Variants in GPM6A observed in about 807,000 individuals in gnomAD.
GPM6A encodes glycoprotein M6A, also known as neuronal membrane glycoprotein M6-a.
GPM6A carries 7 observed loss-of-function variants against 32.1 expected under a neutral mutation model. The ratio of observed to expected loss-of-function variants is 0.22; its 90% confidence interval spans 0.12 to 0.41. The LOEUF is 0.41. Ranked by LOEUF, GPM6A falls within the 10% of genes least tolerant of loss-of-function variation. GPM6A has a pLI of 1.00. For missense variants in GPM6A, 235 were observed against 347.2 expected (o/e 0.68, Z 2.57); for synonymous variants, 130 against 123.4 (o/e 1.05, Z -0.35).
chr4:175,669,201 A>G (rs1372178430), intron 3 of GPM6A, among the ~76,000 whole-genome samples: 1 of 152,212 alleles, frequency 6.6e-6, no homozygotes, highest in East Asian at 1.9e-4. Context: ...ATTTTAAGCT[A>G]TGGAACGGAG....
At chr4:175,671,890 C>T (rs1015792090) in intron 3 of GPM6A, among the ~76,000 whole-genome samples, 1 of 146,666 alleles carries the variant, frequency 6.8e-6, no homozygotes, top group Non-Finnish European at 1.5e-5. Context: ...GGGCTGACAC[C>T]CTGCTGCATT....
At chr4:175,776,860 C>T (rs1013467406) in intron 1 of GPM6A, among the ~76,000 whole-genome samples, 2 of 152,064 alleles carry the variant, frequency 1.3e-5, no homozygotes, top group Non-Finnish European at 2.9e-5. Context: ...ATTGAAATGA[C>T]GAAACCAATA....
At chr4:175,760,540 A>G (rs1732699392) in intron 1 of GPM6A, among the ~76,000 whole-genome samples, 1 of 152,198 alleles carries the variant, frequency 6.6e-6, no homozygotes, top group South Asian at 2.1e-4. Context: ...TGTTGAGGAA[A>G]TATGTTTTAG....
chr4:175,645,104 A>G (rs1560848129), intron 4 of GPM6A, among the ~76,000 whole-genome samples: 2 of 152,138 alleles, frequency 1.3e-5, no homozygotes, highest in Non-Finnish European at 2.9e-5. Context: ...TCTCAAAAAT[A>G]ATAAAAATAA....
At chr4:175,826,974 A>G (rs1209339142) in intron 1 of GPM6A, among the ~76,000 whole-genome samples, 2 of 152,224 alleles carry the variant, frequency 1.3e-5, no homozygotes, top group African/African-American at 4.8e-5. Flanking sequence ...GAATGAATTT[A>G]ACACTTGTCT....
chr4:175,725,242 G>T (rs538041067), intron 1 of GPM6A, among the ~76,000 whole-genome samples: 1 of 151,386 alleles, frequency 6.6e-6, no homozygotes, highest in Non-Finnish European at 1.5e-5. Flanking sequence ...TTATTATTAG[G>T]CCCAAAAGAA....
intron 1 of GPM6A, among the ~76,000 whole-genome samples, chr4:175,916,725 A>G (rs1175767418): frequency 1.3e-5 from 2 of 152,196 alleles, no homozygotes; most frequent in African/African-American, 4.8e-5. Context: ...GATGCAATCA[A>G]TCAGAGGTCT....
rs1379337416 is a variant in GPM6A, at chr4:175,634,674, C to A, written c.*231G>T. 5 of 424,718 alleles carry A rather than the reference C, an allele frequency of 1.2e-5. No individual in the cohort carries two copies. The Admixed American group carries it at 2.1e-4, about 17-fold the overall frequency. The allele number at this position is 424,718 out of a possible 1,614,324, so 26.3% of individuals were successfully genotyped here. A position where few individuals can be genotyped will look rare whatever the true frequency, so the allele number is the denominator to read the frequency against. ...ACTAGTAAATGAGTTTGAGAAATTTCAAAAAAAAGGCTGGATAGGAGCTTG... is the reference window on the plus strand; with the variant it reads ...ACTAGTAAATGAGTTTGAGAAATTTAAAAAAAAAGGCTGGATAGGAGCTTG... On this transcript the variant is annotated 3_prime_UTR_variant, in exon 7 of 7. Transcript: ENST00000393658.
chr4:175,820,090 T>G (rs1407871603), intron 1 of GPM6A, among the ~76,000 whole-genome samples: 1 of 152,228 alleles, frequency 6.6e-6, no homozygotes, highest in African/African-American at 2.4e-5. Context: ...ATCTAAGCGG[T>G]TTAGCAGAAA....
chr4:175,745,598 C>T (rs1327642500), intron 1 of GPM6A, among the ~76,000 whole-genome samples: 1 of 152,092 alleles, frequency 6.6e-6, no homozygotes, highest in Non-Finnish European at 1.5e-5. Flanking sequence ...ACCAGGATGA[C>T]ACAAATGTGT....
chr4:175,928,041 T>G (rs553387560), intron 1 of GPM6A, among the ~76,000 whole-genome samples: 1 of 152,198 alleles, frequency 6.6e-6, no homozygotes, highest in African/African-American at 2.4e-5. Context: ...AAATTATTCT[T>G]ATTTTTTAAG....
At chr4:175,635,393 G>A (rs1740519980) in intron 6 of GPM6A, among the ~76,000 whole-genome samples, 1 of 151,906 alleles carries the variant, frequency 6.6e-6, no homozygotes, top group Non-Finnish European at 1.5e-5. Flanking sequence ...TCATGTTCAT[G>A]TATCTATGTT....
At position 175,634,690 on chromosome 4, in the gene GPM6A, T is replaced by TAGG. The variant is rs2110855301; in HGVS notation, c.*212_*214dup. On this transcript the variant is annotated 3_prime_UTR_variant, in exon 7 of 7. Coordinates refer to ENST00000393658, the MANE Select transcript of GPM6A (RefSeq NM_201591.3). Reference sequence around the variant, plus strand: ...GAGAAATTTCAAAAAAAAGGCTGGATAGGAGCTTGTAGAAAAGATCTGATT... The same window carrying TAGG: ...GAGAAATTTCAAAAAAAAGGCTGGATAGGAGGAGCTTGTAGAAAAGATCTGATT... 6.3e-6 allele frequency: 3 copies of TAGG among 476,420 alleles called. No homozygotes were observed. In the East Asian group the frequency reaches 1.1e-4, roughly 17 times the overall value. The allele number at this position is 476,420 out of a possible 1,614,324, so 29.5% of individuals were successfully genotyped here. A position where few individuals can be genotyped will look rare whatever the true frequency, so the allele number is the denominator to read the frequency against.
intron 1 of GPM6A, among the ~76,000 whole-genome samples, chr4:175,768,366 C>A (rs563352952): frequency 2.6e-5 from 4 of 152,224 alleles, no homozygotes; most frequent in African/African-American, 9.6e-5. Flanking sequence ...ATGCCATCTA[C>A]ATTTCTTTCA....
In GPM6A at chr4:175,839,061, A is replaced by T. The variant is rs187258560; in HGVS notation, c.-22-26812T>A. Among the ~76,000 whole-genome samples, 6 of 152,316 alleles carry T rather than the reference A, an allele frequency of 3.9e-5. No individual in the cohort carries two copies. In the East Asian group the frequency reaches 1.2e-3, roughly 29 times the overall value. Reference sequence around the variant, plus strand: ...TATTCTCTGCTATTACTTTGGTCTTAATATTGCTAGTGTCTTTTCATTTAA... The same window carrying T: ...TATTCTCTGCTATTACTTTGGTCTTTATATTGCTAGTGTCTTTTCATTTAA... On this transcript the variant is annotated intron_variant, in intron 1 of 7. Transcript: ENST00000280187.
At chr4:175,905,309 C>T (rs1028181459) in intron 1 of GPM6A, among the ~76,000 whole-genome samples, 1 of 152,138 alleles carries the variant, frequency 6.6e-6, no homozygotes, top group East Asian at 1.9e-4. Flanking sequence ...CTACATGTGG[C>T]CCAGAATGGC....
chr4:175,664,417 G>T (rs902185777), intron 3 of GPM6A, among the ~76,000 whole-genome samples: 1 of 152,116 alleles, frequency 6.6e-6, no homozygotes, highest in Non-Finnish European at 1.5e-5. Flanking sequence ...TAATAGGAGG[G>T]GAGGCTGCAC....
At chr4:175,643,172 A>G (rs1334083969) in intron 4 of GPM6A, among the ~76,000 whole-genome samples, 1 of 152,122 alleles carries the variant, frequency 6.6e-6, no homozygotes, top group Non-Finnish European at 1.5e-5. Context: ...TAATACAATC[A>G]TTTGCTAACT....
chr4:175,949,027 T>G lies in GPM6A; in HGVS notation c.-23+53282A>C, dbSNP rs189980346. On this transcript the variant is annotated intron_variant, in intron 1 of 7. Transcript: ENST00000280187. ...ATGTGGTGGAGGGATGAGGTAGATTTGGATATCTCTTTTCCCACAGTTGAA... is the reference window on the plus strand; with the variant it reads ...ATGTGGTGGAGGGATGAGGTAGATTGGGATATCTCTTTTCCCACAGTTGAA... Among the ~76,000 whole-genome samples, 139 of 151,464 alleles carry G rather than the reference T, an allele frequency of 9.2e-4. 1 individual carries two copies. Among genetic ancestry groups the G allele is most frequent in the African/African-American group, 3.0e-3 (124 of 41,376 alleles).
Sources: allele counts gnomAD v4.1 joint callset (sites outside exome capture counted in the v4.1 genomes callset), GRCh38; gene constraint gnomAD v4.1.1; transcripts MANE v1.5; gene names NCBI Gene and HGNC (gene_info 2026-07-23, HGNC 2026-07-21).